Variants in ACSM3 observed in about 807,000 individuals in gnomAD.
ACSM3 encodes the protein acyl-coenzyme A synthetase ACSM3, mitochondrial.
In ACSM3, 61 loss-of-function variants were observed where a neutral mutation model predicts 74.1. The observed-to-expected ratio is 0.82, with a 90% CI of 0.67 to 1.02. The LOEUF is 1.02. ACSM3 is among the 50% of genes least tolerant of loss of function. The pLI is 0.00. For missense variants in ACSM3, 660 were observed against 697.0 expected (o/e 0.95, Z 0.60); for synonymous variants, 213 against 241.5 (o/e 0.88, Z 1.09).
At chr16:20,709,157 A>G (rs1176459931) in intron 1 of ACSM3, among the ~76,000 whole-genome samples, 1 of 152,202 alleles carries the variant, frequency 6.6e-6, no homozygotes, top group African/African-American at 2.4e-5. Flanking sequence ...GGATATCCAC[A>G]TGCTGAATGG....
At chr16:20,791,538 T>C (rs2080597067) in intron 10 of ACSM3, among the ~76,000 whole-genome samples, 1 of 152,256 alleles carries the variant, frequency 6.6e-6, no homozygotes, top group Admixed American at 6.5e-5. Flanking sequence ...GCTAGCTCCA[T>C]GCTGGAATTT....
intron 1 of ACSM3, among the ~76,000 whole-genome samples, chr16:20,701,514 C>T (rs1451362399): frequency 6.6e-6 from 1 of 152,136 alleles, no homozygotes; most frequent in East Asian, 1.9e-4. Flanking sequence ...CCAGATAGAC[C>T]AAACTGGAAT....
intron 1 of ACSM3, chr16:20,737,370 T>C (rs1415966347): frequency 7.2e-6 from 10 of 1,397,706 alleles, no homozygotes; most frequent in Middle Eastern, 3.7e-4. Flanking sequence ...CTCTGTTTCT[T>C]GTTAAAACAA....
rs538348645 is a variant in ACSM3, at chr16:20,718,760, T to C, written c.-189-31150T>C. On this transcript the variant is annotated intron_variant, in intron 1 of 3. Transcript: ENST00000561584. ...TTAATCATTGCTAGGTAAATTTACCTACCCAGAAAGGCCTTCCTAAAAGAG... is the reference window on the plus strand; with the variant it reads ...TTAATCATTGCTAGGTAAATTTACCCACCCAGAAAGGCCTTCCTAAAAGAG... Among the ~76,000 whole-genome samples, 4 of 152,314 alleles carry C rather than the reference T, an allele frequency of 2.6e-5. No homozygotes were observed. The East Asian group carries it at 7.7e-4, about 29-fold the overall frequency.
At chr16:20,714,479 G>C (rs1036994518) in intron 1 of ACSM3, among the ~76,000 whole-genome samples, 3 of 152,026 alleles carry the variant, frequency 2.0e-5, no homozygotes, top group Admixed American at 2.0e-4. Flanking sequence ...AGTTTGAGGA[G>C]GACCAAACTG....
chr16:20,733,209 G>A (rs747197144), intron 1 of ACSM3, among the ~76,000 whole-genome samples: 10 of 152,132 alleles, frequency 6.6e-5, no homozygotes, highest in Non-Finnish European at 1.5e-4. Context: ...ATGGTTTCTA[G>A]TGTTTAAAAT....
chr16:20,777,296 T>C, intron 3 of ACSM3, 77 bp from the exon 4 acceptor site: 3 of 1,292,042 alleles, frequency 2.3e-6, no homozygotes, highest in Non-Finnish European at 3.3e-6. Flanking sequence ...ACAGAATGTA[T>C]AGATGGTATC....
intron 1 of ACSM3, among the ~76,000 whole-genome samples, chr16:20,726,290 G>A (rs1219096531): frequency 2.0e-5 from 3 of 152,232 alleles, no homozygotes; most frequent in Non-Finnish European, 4.4e-5. Context: ...GAGTTACAAT[G>A]TATATTTGTT....
intron 1 of ACSM3, among the ~76,000 whole-genome samples, chr16:20,710,565 G>A (rs1301435532): frequency 2.0e-5 from 3 of 152,058 alleles, no homozygotes; most frequent in East Asian, 3.9e-4. Flanking sequence ...GGCTGGTCTC[G>A]AAATACTGGG....
chr16:20,709,341 TTAACA>T (rs1382616991), intron 1 of ACSM3, among the ~76,000 whole-genome samples: 1 of 152,216 alleles, frequency 6.6e-6, no homozygotes, highest in Non-Finnish European at 1.5e-5. Context: ...GCTGAAATGG[TTAACA>T]TAAAACACTC....
chr16:20,714,944 A>C (rs1018723513), intron 1 of ACSM3, among the ~76,000 whole-genome samples: 1 of 152,226 alleles, frequency 6.6e-6, no homozygotes, highest in African/African-American at 2.4e-5. Flanking sequence ...CTTGTCACTC[A>C]CAGATTGTGA....
chr16:20,726,278 T>C (rs1031259328), intron 1 of ACSM3, among the ~76,000 whole-genome samples: 1 of 152,160 alleles, frequency 6.6e-6, no homozygotes, highest in Non-Finnish European at 1.5e-5. Context: ...GAACATCCAG[T>C]AGAGTTACAA....
chr16:20,739,169 A>G, intron 1 of ACSM3: 1 of 1,214,336 alleles, frequency 8.2e-7, no homozygotes, highest in East Asian at 2.6e-5. Context: ...CAGGTGGCTC[A>G]GTATTGATTT....
In ACSM3 at chr16:20,770,267, G is replaced by A. The variant is rs2080176450; in HGVS notation, c.219+14G>A. ...GATAAGGAAAAGGTATGGGGGGAGG[G>A]CCAGTCAGACCACAATTTCTCAACT... On this transcript the variant is annotated intron_variant, in intron 2 of 13. Transcript: ENST00000289416. 3 of 1,604,594 alleles carry A rather than the reference G, an allele frequency of 1.9e-6. No homozygotes were observed. The highest frequency in any genetic ancestry group is 2.2e-5 in the East Asian group (1 of 44,816).
intron 1 of ACSM3, chr16:20,734,370 G>C (rs1425645031): frequency 6.6e-6 from 1 of 152,514 alleles, no homozygotes; most frequent in East Asian, 1.9e-4. Flanking sequence ...ATCAATCATT[G>C]CAAGGTAACT....
chr16:20,685,268 G>C (rs1567310128), intron 1 of ACSM3: 1 of 1,614,212 alleles, frequency 6.2e-7, no homozygotes. Context: ...TGGTCTCCCT[G>C]TTGTAGGCCA....
chr16:20,727,527 T>C, intron 1 of ACSM3: 1 of 319,614 alleles, frequency 3.1e-6, no homozygotes, highest in South Asian at 2.9e-5. Flanking sequence ...CCCCAGGATT[T>C]TCAACCTGAG....
At chr16:20,742,189 C>T (rs2079933365) in intron 1 of ACSM3, 3 of 529,706 alleles carry the variant, frequency 5.7e-6, no homozygotes, top group Non-Finnish European at 8.8e-6. Flanking sequence ...TAACAGGTTG[C>T]ATGAGCCCCT....
intron 1 of ACSM3, chr16:20,691,157 C>T: frequency 6.2e-7 from 1 of 1,610,486 alleles, no homozygotes; most frequent in Non-Finnish European, 8.5e-7. Flanking sequence ...GTGGATGCCC[C>T]AGAGGGTCCG....
Sources: allele counts gnomAD v4.1 joint callset (sites outside exome capture counted in the v4.1 genomes callset), GRCh38; gene constraint gnomAD v4.1.1; transcripts MANE v1.5; gene names NCBI Gene and HGNC (gene_info 2026-07-23, HGNC 2026-07-21).